The following LYPLAL1 variants were observed in gnomAD, a reference collection of about 807,000 sequenced individuals.
The protein encoded by LYPLAL1 is lysophospholipase-like protein 1.
A neutral mutation model predicts 19.7 loss-of-function variants in LYPLAL1; 23 were observed. The observed-to-expected ratio is 1.17, with a 90% CI of 0.84 to 1.65. LYPLAL1 has a LOEUF of 1.65. Ranked by LOEUF, LYPLAL1 falls within the 40% of genes most tolerant of loss-of-function variation. The pLI, the probability that LYPLAL1 is intolerant of heterozygous loss-of-function variation, is 0.00. For synonymous variants in LYPLAL1, 119 were observed against 96.3 expected (o/e 1.24, Z -1.38); for missense variants, 355 against 279.4 (o/e 1.27, Z -1.93).
At chr1:219,366,364 G>T in the LYPLAL1 span, among the ~76,000 whole-genome samples, 1 of 152,132 alleles carries the variant, frequency 6.6e-6, no homozygotes, top group Non-Finnish European at 1.5e-5. Flanking sequence ...AAGAATGTTT[G>T]CCCATAAATA....
the LYPLAL1 span, among the ~76,000 whole-genome samples, chr1:219,430,287 CA>C: frequency 0.054 from 3,757 of 69,700 alleles, 65 homozygotes; most frequent in African/African-American, 0.13. Flanking sequence ...GATCCTAGCT[CA>C]AAAAAAAAAA....
chr1:219,436,929 G>T, the LYPLAL1 span: 1 of 152,054 alleles, frequency 6.6e-6, no homozygotes, highest in Non-Finnish European at 1.5e-5. Flanking sequence ...AAATCTCAGG[G>T]TTTAGTTTGA....
rs963568223 is a variant in LYPLAL1 at position 219,212,726 on chromosome 1, A to G, written c.*998A>G. On this transcript the variant is annotated 3_prime_UTR_variant, in exon 5 of 5. Coordinates refer to ENST00000366928, the MANE Select transcript of LYPLAL1 (RefSeq NM_138794.5). ...AGATTTTTCCATGTTGTGTACATCA[A>G]TAGTTCATCTATTTTATTGCTCAGT... 2.6e-5 allele frequency: 4 copies of G among 152,026 alleles called. No individual in the cohort carries two copies. Among genetic ancestry groups the G allele is most frequent in the Non-Finnish European group, 5.9e-5 (4 of 67,934 alleles). The allele number at this position is 152,026 out of a possible 1,614,324, so 9.4% of individuals were successfully genotyped here.
At chr1:219,222,240 C>T in the LYPLAL1 span, 1 of 152,180 alleles carries the variant, frequency 6.6e-6, no homozygotes, top group African/African-American at 2.4e-5. Context: ...AAGCAAACCA[C>T]ATTTCAATTT....
At chr1:219,286,721 T>A in the LYPLAL1 span, among the ~76,000 whole-genome samples, 2 of 152,200 alleles carry the variant, frequency 1.3e-5, no homozygotes, top group African/African-American at 2.4e-5. Context: ...AAAAACATAC[T>A]TGACTTCTTC....
At chr1:219,198,489 ATTTT>A (rs984441906) in intron 3 of LYPLAL1, 1 of 152,032 alleles carries the variant, frequency 6.6e-6, no homozygotes, top group Non-Finnish European at 1.5e-5. Context: ...CATTTGATAT[ATTTT>A]TTCTCATAAT....
At chr1:219,254,762 C>T in the LYPLAL1 span, among the ~76,000 whole-genome samples, 1 of 151,904 alleles carries the variant, frequency 6.6e-6, no homozygotes, top group African/African-American at 2.4e-5. Flanking sequence ...TGGGGATGAT[C>T]TTCTTGTGTA....
chr1:219,439,982 T>TATATATACAC, the LYPLAL1 span, among the ~76,000 whole-genome samples: 1 of 66,410 alleles, frequency 1.5e-5, no homozygotes, highest in African/African-American at 5.8e-5. Context: ...TACATATATA[T>TATATATACAC]ATATATATAC....
At chr1:219,434,622 C>G in the LYPLAL1 span, among the ~76,000 whole-genome samples, 1 of 152,154 alleles carries the variant, frequency 6.6e-6, no homozygotes, top group Non-Finnish European at 1.5e-5. Flanking sequence ...CTGAAAAATG[C>G]CTTTTCCTTC....
At chr1:219,318,650 A>G in the LYPLAL1 span, among the ~76,000 whole-genome samples, 1 of 152,236 alleles carries the variant, frequency 6.6e-6, no homozygotes, top group Admixed American at 6.5e-5. Flanking sequence ...CTAGATTACT[A>G]GTCCTTGGAA....
the LYPLAL1 span, among the ~76,000 whole-genome samples, chr1:219,338,647 T>C: frequency 6.6e-6 from 1 of 151,982 alleles, no homozygotes; most frequent in Admixed American, 6.6e-5. Context: ...TAATTCCCAT[T>C]TTCATCATCA....
the LYPLAL1 span, among the ~76,000 whole-genome samples, chr1:219,392,639 A>G: frequency 6.6e-6 from 1 of 152,214 alleles, no homozygotes; most frequent in Non-Finnish European, 1.5e-5. Context: ...ATAAGGCTTT[A>G]TGATATTCAG....
chr1:219,184,077 C>G (rs1486218052), intron 2 of LYPLAL1, among the ~76,000 whole-genome samples: 2 of 151,808 alleles, frequency 1.3e-5, no homozygotes, highest in South Asian at 2.1e-4. Flanking sequence ...AGAACCTGCT[C>G]TTCAATTTTA....
the LYPLAL1 span, among the ~76,000 whole-genome samples, chr1:219,422,838 T>A: frequency 6.6e-6 from 1 of 152,178 alleles, no homozygotes; most frequent in Admixed American, 6.5e-5. Flanking sequence ...TACAGACCTA[T>A]GAAAATTCTA....
At chr1:219,438,555 C>G in the LYPLAL1 span, among the ~76,000 whole-genome samples, 1 of 152,174 alleles carries the variant, frequency 6.6e-6, no homozygotes, top group African/African-American at 2.4e-5. Context: ...GAAAATTAGT[C>G]ACATAGTGTT....
chr1:219,238,849 C>G, the LYPLAL1 span, among the ~76,000 whole-genome samples: 1 of 152,152 alleles, frequency 6.6e-6, no homozygotes, highest in Non-Finnish European at 1.5e-5. Context: ...CATATGATCT[C>G]ATTACTATTG....
chr1:219,414,615 T>C, the LYPLAL1 span, among the ~76,000 whole-genome samples: 2 of 152,330 alleles, frequency 1.3e-5, no homozygotes, highest in African/African-American at 4.8e-5. Context: ...ATTACCTAAG[T>C]TTATATGACT....
the LYPLAL1 span, among the ~76,000 whole-genome samples, chr1:219,327,611 C>T: frequency 2.0e-5 from 3 of 152,004 alleles, no homozygotes; most frequent in African/African-American, 7.2e-5. Flanking sequence ...TTGATGATCC[C>T]TATAATCATT....
At chr1:219,182,937 G>A (rs1043639500) in intron 2 of LYPLAL1, among the ~76,000 whole-genome samples, 2 of 151,878 alleles carry the variant, frequency 1.3e-5, no homozygotes, top group Non-Finnish European at 1.5e-5. Flanking sequence ...CTTTACCCAA[G>A]CCAGTATTTA....
Sources: gnomAD v4.1 joint callset for allele counts (sites outside exome capture counted in the v4.1 genomes callset) on GRCh38, gnomAD v4.1.1 for gene constraint, MANE v1.5 for transcripts, NCBI Gene and HGNC (gene_info 2026-07-23, HGNC 2026-07-21) for gene names.